Variants in TNNT2 observed in about 807,000 individuals in gnomAD.
TNNT2 encodes troponin T2, cardiac type.
A neutral mutation model predicts 62.4 loss-of-function variants in TNNT2; 34 were observed. The ratio of observed to expected loss-of-function variants is 0.54; its 90% CI spans 0.41 to 0.72. The LOEUF is 0.72. Among genes scored for constraint, TNNT2 ranks in the 30% least tolerant of loss-of-function variants. The pLI is 0.00. For missense variants in TNNT2, 275 were observed against 381.9 expected, an observed-to-expected ratio of 0.72 and a Z score of 2.33; for synonymous variants, 123 against 127.2, an observed-to-expected ratio of 0.97 and a Z score of 0.22.
At chr1:201,375,168 T>C (rs1386577920) in intron 1 of TNNT2, 2 of 152,228 alleles carry the variant, frequency 1.3e-5, no homozygotes, top group Admixed American at 6.5e-5. Context: ...AGGGCTCTGG[T>C]TGGGTGGGGT....
chr1:201,362,652 T>C (rs1658898546), intron 12 of TNNT2, among the ~76,000 whole-genome samples: 1 of 152,206 alleles, frequency 6.6e-6, no homozygotes, highest in Non-Finnish European at 1.5e-5. Flanking sequence ...GGCCTAGTCC[T>C]GAGCTAGGGA....
chr1:201,363,525 C>T (rs3730237), intron 11 of TNNT2, 119 bp from the exon 12 acceptor site: 5 of 923,976 alleles, frequency 5.4e-6, no homozygotes, highest in South Asian at 2.7e-5. Context: ...CAGCAAGGAG[C>T]TTTCTGAGAG....
chr1:201,363,493 T>C (rs1659087990), intron 11 of TNNT2, 87 bp from the exon 12 acceptor site: 2 of 1,260,718 alleles, frequency 1.6e-6, no homozygotes, highest in Non-Finnish European at 1.2e-6. Flanking sequence ...TCTTTATGGG[T>C]GAGTTCAGCT....
rs1658808650 is a variant in TNNT2, at chr1:201,362,259, C to T, written c.609+127G>A. 1.1e-5 allele frequency: 16 copies of T among 1,485,612 alleles called. No individual in the cohort carries two copies. The South Asian group carries it at 1.5e-4, about 13-fold the overall frequency. 92.0% of individuals were successfully genotyped at this position (1,485,612 alleles called of 1,614,324 possible). ...TGCCTAACTAATCTCTTTCACCTCT[C>T]ACCAGCTTCCCCCCTCCCCAGCCAG... On this transcript the variant is annotated intron_variant, in intron 13 of 16. Coordinates refer to ENST00000656932, the MANE Select transcript of TNNT2 (RefSeq NM_001276345.2).
chr1:201,362,026 G>A lies in TNNT2; in HGVS notation c.610-4C>T, dbSNP rs765290000. The A allele has an allele frequency of 6.2e-7, 1 of 1,614,032 alleles. No individual in the cohort carries two copies. The highest frequency in any genetic ancestry group is 8.5e-7 in the Non-Finnish European group (1 of 1,179,962). ...TCTTCCCACTTTTCCGCTCTGTCTG[G>A]AGGGTGTGGGAAGCAGAGTAAACTG... On this transcript the variant is annotated splice_region_variant and splice_polypyrimidine_tract_variant and intron_variant, in intron 13 of 16. Transcript: ENST00000656932.
chr1:201,369,275 C>T (rs1390989903), intron 5 of TNNT2: 1 of 472,248 alleles, frequency 2.1e-6, no homozygotes, highest in Non-Finnish European at 4.4e-6. Flanking sequence ...GTCTCACTCC[C>T]TTGCCTTGGT....
chr1:201,367,253 A>C, intron 7 of TNNT2: 1 of 408,046 alleles, frequency 2.5e-6, no homozygotes, highest in South Asian at 2.3e-5. Flanking sequence ...CTTCTTTGTT[A>C]CCCCTTGGAC....
intron 7 of TNNT2, chr1:201,367,432 T>C (rs1205128166): frequency 1.0e-5 from 5 of 486,968 alleles, no homozygotes; most frequent in African/African-American, 1.9e-5. Context: ...TGGGATTTCA[T>C]CCTACGGACA....
chr1:201,373,465 G>A lies in TNNT2; in HGVS notation c.-14-197C>T, dbSNP rs2102318539. On this transcript the variant is annotated intron_variant, in intron 1 of 16. Coordinates refer to ENST00000656932, the MANE Select transcript of TNNT2 (RefSeq NM_001276345.2). The stretch of plus-strand genomic sequence containing the variant: ...ATAGTGACACCCACATGGCAGCAAG[G>A]CCACCTGCTGATGTCCACTTCGTTC... 1.8e-5 allele frequency: 11 copies of A among 625,856 alleles called. No homozygotes were observed. The South Asian group carries it at 1.8e-4, about 10-fold the overall frequency. The allele number at this position is 625,856 out of a possible 1,614,324, so 38.8% of individuals were successfully genotyped here.
chr1:201,365,664 G>C lies in TNNT2; in HGVS notation c.240C>G (p.Phe80Leu). ...MEESKPKPRSFMPNLVPPKIP... is the reference protein window; with the variant it reads ...MEESKPKPRSLMPNLVPPKIP... Reference sequence around the variant, plus strand: ...TCTTGGGAGGCACCAAGTTGGGCATGAACGACCTGTTGGAGAGAGGAATAG... The same window carrying C: ...TCTTGGGAGGCACCAAGTTGGGCATCAACGACCTGTTGGAGAGAGGAATAG... Residue 80 changes from phenylalanine (F) to leucine (L), a missense_variant, in exon 9 of 17, where the codon TTC becomes TTG. Physicochemically the swap from Phe to Leu is conservative, Grantham distance 22. Transcript: ENST00000656932. The C allele has an allele frequency of 6.2e-7, 1 of 1,613,946 alleles. No individual in the cohort carries two copies. The highest frequency in any genetic ancestry group is 8.5e-7 in the Non-Finnish European group (1 of 1,179,956).
At chr1:201,370,008 C>G (rs1179526432) in intron 4 of TNNT2, among the ~76,000 whole-genome samples, 163 bp from the exon 5 acceptor site, 7 of 152,196 alleles carry the variant, frequency 4.6e-5, no homozygotes, top group Non-Finnish European at 8.8e-5. Context: ...TTTCCAGCAA[C>G]AGGGGCAACT....
At chr1:201,369,534 A>G (rs1660266155) in intron 5 of TNNT2, among the ~76,000 whole-genome samples, 1 of 152,114 alleles carries the variant, frequency 6.6e-6, no homozygotes, top group Non-Finnish European at 1.5e-5. Context: ...CCACATTTGG[A>G]GCAGCTTGGG....
Position 201,359,242 on chromosome 1 carries a change from C to T in TNNT2, c.865G>A (p.Gly289Arg), listed in dbSNP as rs757664792. The change falls in exon 17 of 17, where the codon GGG (glycine) becomes AGG (arginine). Residue 289 changes from glycine (G) to arginine (R), a missense_variant. By Grantham distance (125) the Gly-to-Arg change is moderately radical (BLOSUM62 -2). Coordinates refer to ENST00000656932, the MANE Select transcript of TNNT2 (RefSeq NM_001276345.2). ...CAGCGCCCGGTGACTTTAGCCTTCCCGCGGGTCTTGGAGCTGCAGGGGAAG... is the reference window on the plus strand; with the variant it reads ...CAGCGCCCGGTGACTTTAGCCTTCCTGCGGGTCTTGGAGCTGCAGGGGAAG... ...NDNQKVSKTR[G>R]KAKVTGRWK 1.9e-6 allele frequency: 3 copies of T among 1,611,326 alleles called. No homozygotes were observed. The highest frequency in any genetic ancestry group is 2.5e-6 in the Non-Finnish European group (3 of 1,179,208).
At chr1:201,361,000 C>T (rs927792782) in intron 15 of TNNT2, 28 of 488,438 alleles carry the variant, frequency 5.7e-5, no homozygotes, top group Non-Finnish European at 1.0e-4. Flanking sequence ...GATCACTGAG[C>T]TGCTGCCTCA....
At chr1:201,366,522 G>C in intron 8 of TNNT2, 1 of 1,240,014 alleles carries the variant, frequency 8.1e-7, no homozygotes, top group Non-Finnish European at 1.0e-6. Flanking sequence ...GTCCCACCTC[G>C]GCCATGGAGG....
rs1280599692 is a variant in TNNT2, at chr1:201,359,131, G to A, written c.*79C>T. 3 of 1,556,712 alleles carry A rather than the reference G, an allele frequency of 1.9e-6. No homozygotes were observed. The highest frequency in any genetic ancestry group is 2.6e-6 in the Non-Finnish European group (3 of 1,147,112). ...AACAGGAGCTGCCTGGGGTGCCCAG[G>A]AGGGCCCGGGAACTGGGGGAGTGCA... is the stretch of plus-strand genomic sequence containing the variant. On this transcript the variant is annotated 3_prime_UTR_variant, in exon 17 of 17. Coordinates refer to ENST00000656932, the MANE Select transcript of TNNT2 (RefSeq NM_001276345.2).
At chr1:201,361,097 C>T (rs569325094) in intron 15 of TNNT2, 182 bp downstream of exon 15, 93 of 724,104 alleles carry the variant, frequency 1.3e-4, no homozygotes, top group African/African-American at 1.1e-3. Flanking sequence ...AGCAAGCAGT[C>T]GTCAATGCGG....
rs1449738352 is a variant in TNNT2 at position 201,364,384 on chromosome 1, A to C, written c.412-9T>G. 1 of 1,611,662 alleles carries C rather than the reference A, an allele frequency of 6.2e-7. No individual in the cohort carries two copies. The highest frequency in any genetic ancestry group is 1.7e-5 in the Admixed American group (1 of 59,984). ...TCTGCCCGACGTCTCTCCTAAGGAG[A>C]AGAGGCAAAGCCCACCCAGGTGTGC... is the stretch of plus-strand genomic sequence containing the variant. On this transcript the variant is annotated splice_polypyrimidine_tract_variant and intron_variant, in intron 10 of 16. Coordinates refer to ENST00000656932, the MANE Select transcript of TNNT2 (RefSeq NM_001276345.2).
Position 201,376,663 on chromosome 1 carries a change from C to G in TNNT2, c.-15+960G>C, listed in dbSNP as rs1285228229. Among the ~76,000 whole-genome samples the G allele has an allele frequency of 1.4e-4, 22 of 152,304 alleles. No individual in the cohort carries two copies. In the East Asian group the frequency reaches 4.0e-3, roughly 28 times the overall value. ...GGGAGGGCAGGTAGCTTCCCGGCTA[C>G]AGCAGGCCAGGAATGTGCTCTGAAA... is the stretch of plus-strand genomic sequence containing the variant. On this transcript the variant is annotated intron_variant, in intron 1 of 16. Coordinates refer to ENST00000656932, the MANE Select transcript of TNNT2 (RefSeq NM_001276345.2).
Sources: allele counts gnomAD v4.1 joint callset (sites outside exome capture counted in the v4.1 genomes callset), GRCh38; gene constraint gnomAD v4.1.1; transcripts MANE v1.5; gene names NCBI Gene and HGNC (gene_info 2026-07-23, HGNC 2026-07-21).